Variants in IGF1 observed in about 807,000 individuals in gnomAD.
IGF1 encodes insulin like growth factor 1.
In IGF1, 4 loss-of-function variants were observed where a neutral mutation model predicts 13.8. The ratio of observed to expected loss-of-function variants is 0.29; its 90% CI spans 0.14 to 0.66. IGF1 has a LOEUF of 0.66. Ranked by LOEUF, IGF1 falls within the 30% of genes least tolerant of loss-of-function variation. The pLI is 0.78. For missense variants in IGF1, 124 were observed against 188.5 expected, an observed-to-expected ratio of 0.66 and a Z score of 2.00; for synonymous variants, 76 against 72.6, an observed-to-expected ratio of 1.05 and a Z score of -0.23.
At chr12:102,469,492 A>G (rs923203118) in intron 2 of IGF1, among the ~76,000 whole-genome samples, 2 of 152,158 alleles carry the variant, frequency 1.3e-5, no homozygotes, top group African/African-American at 2.4e-5. Flanking sequence ...AGCAGCCTCT[A>G]ATTAGCCTCT....
At chr12:102,439,871 C>T (rs920333042) in intron 2 of IGF1, among the ~76,000 whole-genome samples, 4 of 152,086 alleles carry the variant, frequency 2.6e-5, no homozygotes, top group African/African-American at 9.7e-5. Context: ...GAGGACTAGA[C>T]AAGGGTAAAC....
At chr12:102,477,564 G>A (rs543698379) in intron 1 of IGF1, among the ~76,000 whole-genome samples, 26 of 135,964 alleles carry the variant, frequency 1.9e-4, no homozygotes, top group African/African-American at 5.3e-4. Context: ...TGTAAAATTA[G>A]TGGGGTTTTC....
Position 102,399,523 on chromosome 12 carries a change from T to A in IGF1, c.*2984A>T, listed in dbSNP as rs1289268341. ...GTCATTCTGCTGTAGTATATAGTAA[T>A]CAACTGACTTCCAGGGTTTGCATCA... On this transcript the variant is annotated 3_prime_UTR_variant, in exon 4 of 4. Coordinates refer to ENST00000337514, the MANE Select transcript of IGF1 (RefSeq NM_000618.5). 2 of 152,170 alleles carry A rather than the reference T, an allele frequency of 1.3e-5. No individual in the cohort carries two copies. Among genetic ancestry groups the A allele is most frequent in the African/African-American group, 4.8e-5 (2 of 41,456 alleles). 9.4% of individuals were successfully genotyped at this position (152,170 alleles called of 1,614,324 possible).
intron 2 of IGF1, among the ~76,000 whole-genome samples, chr12:102,471,518 A>T (rs1333409219): frequency 3.9e-5 from 6 of 152,204 alleles, no homozygotes; most frequent in Admixed American, 2.0e-4. Context: ...ATGAAAGTTC[A>T]TTGTAAAGTT....
At chr12:102,460,659 G>A (rs181598114) in intron 2 of IGF1, among the ~76,000 whole-genome samples, 28 of 152,282 alleles carry the variant, frequency 1.8e-4, no homozygotes, top group African/African-American at 6.3e-4. Context: ...GATTTCTTAA[G>A]GGATTTTAGA....
rs536537268 is a variant in IGF1 at position 102,402,806 on chromosome 12, A to G, written c.403-240T>C. ...TGGCGTGAATACCACAGACAGCTTTATAATCACACAAAGATGAGATTTGAT... is the reference window on the plus strand; with the variant it reads ...TGGCGTGAATACCACAGACAGCTTTGTAATCACACAAAGATGAGATTTGAT... On this transcript the variant is annotated intron_variant, in intron 3 of 3. Transcript: ENST00000337514. Among the ~76,000 whole-genome samples the G allele has an allele frequency of 2.2e-4, 33 of 152,300 alleles. No individual in the cohort carries two copies. The South Asian group carries it at 6.8e-3, about 32-fold the overall frequency.
chr12:102,423,925 T>C (rs1875970187), intron 2 of IGF1, among the ~76,000 whole-genome samples: 1 of 152,228 alleles, frequency 6.6e-6, no homozygotes, highest in African/African-American at 2.4e-5. Flanking sequence ...CTACCTCCTC[T>C]ACTGATGCTG....
intron 3 of IGF1, among the ~76,000 whole-genome samples, chr12:102,403,254 A>G (rs1261253881): frequency 6.6e-6 from 1 of 152,028 alleles, no homozygotes; most frequent in Non-Finnish European, 1.5e-5. Context: ...AATAATTAAT[A>G]TATATAAAAG....
intron 2 of IGF1, among the ~76,000 whole-genome samples, chr12:102,451,344 G>T (rs553269877): frequency 1.3e-5 from 2 of 152,298 alleles, no homozygotes; most frequent in South Asian, 2.1e-4. Flanking sequence ...ATTACTGAGC[G>T]CATTTTATTG....
chr12:102,480,643 TTCTC>T (rs372346461), upstream of IGF1: 83 of 1,325,890 alleles, frequency 6.3e-5, no homozygotes, highest in Admixed American at 3.8e-4. Flanking sequence ...AACATTTGCC[TTCTC>T]TCTCTCTCCC....
intron 2 of IGF1, among the ~76,000 whole-genome samples, chr12:102,440,625 C>A (rs942642089): frequency 9.9e-5 from 15 of 152,118 alleles, no homozygotes; most frequent in African/African-American, 3.6e-4. Context: ...GATAGAATGT[C>A]TAAAATCCTA....
chr12:102,458,198 A>G (rs1043889871), intron 2 of IGF1, among the ~76,000 whole-genome samples: 2 of 152,178 alleles, frequency 1.3e-5, no homozygotes, highest in Non-Finnish European at 2.9e-5. Context: ...TTTTGAATGC[A>G]GCATACGGAG....
At chr12:102,467,757 G>A (rs887467010) in intron 2 of IGF1, among the ~76,000 whole-genome samples, 8 of 152,198 alleles carry the variant, frequency 5.3e-5, no homozygotes, top group Non-Finnish European at 8.8e-5. Flanking sequence ...AATTTACCAG[G>A]TAACTTTGAC....
chr12:102,476,990 G>A (rs947458938), intron 1 of IGF1, among the ~76,000 whole-genome samples: 4 of 152,194 alleles, frequency 2.6e-5, no homozygotes, highest in Middle Eastern at 3.2e-3. Context: ...AGCATCATGG[G>A]AAGAGTCCCT....
intron 3 of IGF1, among the ~76,000 whole-genome samples, chr12:102,418,346 G>A (rs906286612): frequency 6.6e-6 from 1 of 152,226 alleles, no homozygotes; most frequent in African/African-American, 2.4e-5. Flanking sequence ...TGTTCTGTGT[G>A]TGTTGGGTCT....
intron 2 of IGF1, among the ~76,000 whole-genome samples, chr12:102,441,842 A>G (rs1877745016): frequency 1.3e-5 from 2 of 151,974 alleles, no homozygotes; most frequent in East Asian, 1.9e-4. Flanking sequence ...CCACTCACTT[A>G]TTAAATGCCC....
At chr12:102,421,952 CTG>C (rs1875759099) in intron 2 of IGF1, among the ~76,000 whole-genome samples, 1 of 152,140 alleles carries the variant, frequency 6.6e-6, no homozygotes, top group Admixed American at 6.5e-5. Context: ...TTCTTGGTGA[CTG>C]TAAACAACCA....
chr12:102,479,562 TA>T (rs896586576), intron 1 of IGF1, among the ~76,000 whole-genome samples: 1 of 152,340 alleles, frequency 6.6e-6, no homozygotes, highest in South Asian at 2.1e-4. Flanking sequence ...CAGAGTTTTA[TA>T]ACACAGAACC....
chr12:102,476,296 A>G (rs1038178329), intron 1 of IGF1, among the ~76,000 whole-genome samples: 2 of 152,156 alleles, frequency 1.3e-5, no homozygotes, highest in Non-Finnish European at 2.9e-5. Flanking sequence ...AATATTTTTA[A>G]CCAAAACATC....
Sources: allele counts gnomAD v4.1 joint callset (sites outside exome capture counted in the v4.1 genomes callset), GRCh38; gene constraint gnomAD v4.1.1; transcripts MANE v1.5; gene names NCBI Gene and HGNC (gene_info 2026-07-23, HGNC 2026-07-21).